COPS7B: variants seen among roughly 807,000 people sequenced by gnomAD.
COPS7B encodes the protein COP9 signalosome complex subunit 7b.
A neutral mutation model predicts 33.4 loss-of-function variants in COPS7B; 9 were observed. The ratio of observed to expected loss-of-function variants is 0.27; its 90% confidence interval spans 0.16 to 0.47. The LOEUF is 0.47. Among genes scored for constraint, COPS7B ranks in the 20% least tolerant of loss-of-function variants. The pLI, the probability that COPS7B is intolerant of heterozygous loss-of-function variation, is 0.99. For missense variants in COPS7B, 242 were observed against 318.2 expected (o/e 0.76, Z 1.82); for synonymous variants, 119 against 126.3 (o/e 0.94, Z 0.39).
intron 3 of COPS7B, among the ~76,000 whole-genome samples, chr2:231,792,866 G>A (rs1253173288): frequency 6.6e-6 from 1 of 151,958 alleles, no homozygotes; most frequent in Admixed American, 6.6e-5. Flanking sequence ...CAGGGCCTTC[G>A]CTGCGATATC....
intron 4 of COPS7B, 131 bp from the exon 5 acceptor site, chr2:231,795,975 A>C (rs570591098): frequency 3.0e-6 from 2 of 673,896 alleles, no homozygotes; most frequent in Non-Finnish European, 5.2e-6. Flanking sequence ...TTGTTGCCCT[A>C]GCTATTAATA....
chr2:231,804,599 C>A (rs530037458), intron 6 of COPS7B, among the ~76,000 whole-genome samples: 5 of 151,994 alleles, frequency 3.3e-5, no homozygotes, highest in Admixed American at 6.6e-5. Context: ...GGAAATAAGG[C>A]TAAATAGTGC....
chr2:231,787,351 C>A (rs2049279633), intron 1 of COPS7B, among the ~76,000 whole-genome samples: 1 of 152,216 alleles, frequency 6.6e-6, no homozygotes, highest in African/African-American at 2.4e-5. Flanking sequence ...AACTATTCTT[C>A]AAATTGTTCT....
At chr2:231,797,689 A>G (rs2049612424) in intron 5 of COPS7B, among the ~76,000 whole-genome samples, 1 of 152,214 alleles carries the variant, frequency 6.6e-6, no homozygotes, top group Admixed American at 6.5e-5. Flanking sequence ...GCTGAGGGCT[A>G]CCACATATAT....
In COPS7B at chr2:231,808,035, A is replaced by C. The variant is rs965614540; in HGVS notation, c.*390A>C. On this transcript the variant is annotated 3_prime_UTR_variant, in exon 7 of 7. Coordinates refer to ENST00000350033, the MANE Select transcript of COPS7B (RefSeq NM_022730.4). ...CAGCCCCCAGGGATGATTGTGAAGG[A>C]GGCCCCTCCCCTTGTGAGGAGGGGG... 5.2e-6 allele frequency: 1 copy of C among 191,136 alleles called. No individual in the cohort carries two copies. Among genetic ancestry groups the C allele is most frequent in the African/African-American group, 2.4e-5 (1 of 41,914 alleles). 11.8% of individuals were successfully genotyped at this position (191,136 alleles called of 1,614,324 possible). A position where few individuals can be genotyped will look rare whatever the true frequency, so the allele number is the denominator to read the frequency against.
intron 6 of COPS7B, among the ~76,000 whole-genome samples, chr2:231,805,836 A>T (rs2049879986): frequency 6.6e-6 from 1 of 150,380 alleles, no homozygotes; most frequent in Non-Finnish European, 1.5e-5. Flanking sequence ...TTTAAGAAAG[A>T]CAGGGTCCCA....
At chr2:231,798,318 G>A (rs1353549816) in intron 5 of COPS7B, among the ~76,000 whole-genome samples, 3 of 140,560 alleles carry the variant, frequency 2.1e-5, no homozygotes, top group South Asian at 2.2e-4. Context: ...GTGCAATTGC[G>A]TGGTCTCAGC....
At chr2:231,800,809 C>G (rs1405594627) in intron 6 of COPS7B, among the ~76,000 whole-genome samples, 2 of 152,190 alleles carry the variant, frequency 1.3e-5, no homozygotes, top group African/African-American at 2.4e-5. Flanking sequence ...TAAAACAGTC[C>G]ATTGACGTAA....
chr2:231,805,367 G>C (rs1248515624), intron 6 of COPS7B, among the ~76,000 whole-genome samples: 2 of 150,430 alleles, frequency 1.3e-5, no homozygotes, highest in Non-Finnish European at 3.0e-5. Flanking sequence ...TTTGTTGTCT[G>C]GCAGGACACT....
chr2:231,788,492 T>C, intron 1 of COPS7B, 63 bp from the exon 2 acceptor site: 3 of 1,492,442 alleles, frequency 2.0e-6, no homozygotes, highest in South Asian at 1.2e-5. Context: ...GATTCAGCAC[T>C]GAATAGGCAC....
rs77417697 is a variant in COPS7B, at chr2:231,803,601, G to A, written c.637-3886G>A. ...AACAGGGGAAAGTGTCCATGCTTCT[G>A]TCTACTTATTTGTTCAAAAGCTTTT... On this transcript the variant is annotated intron_variant, in intron 6 of 6. Transcript: ENST00000350033. Among the ~76,000 whole-genome samples, 906 of 152,266 alleles carry A rather than the reference G, an allele frequency of 6.0e-3. 1 individual carries two copies. The highest frequency in any genetic ancestry group is 9.3e-3 in the Non-Finnish European group (632 of 68,020).
At position 231,794,073 on chromosome 2, in the gene COPS7B, C is replaced by T. The variant is rs553513855; in HGVS notation, c.239-190C>T. 2.5e-5 allele frequency: 13 copies of T among 522,414 alleles called. No individual in the cohort carries two copies. The Middle Eastern group carries it at 1.5e-3, about 60-fold the overall frequency. 32.4% of individuals were successfully genotyped at this position (522,414 alleles called of 1,614,324 possible). The stretch of plus-strand genomic sequence containing the variant: ...AGACTAAACTCTGTGTTTGTAGAAA[C>T]TGAGTCTTTTCTTCTTTGGAAGTAC... On this transcript the variant is annotated intron_variant, in intron 3 of 6. Transcript: ENST00000350033.
intron 4 of COPS7B, 70 bp downstream of exon 4, chr2:231,794,421 G>A (rs899641563): frequency 2.4e-6 from 3 of 1,253,888 alleles, no homozygotes; most frequent in Non-Finnish European, 3.5e-6. Flanking sequence ...ATCAATGAAG[G>A]AAGTCCCAGC....
Position 231,794,228 on chromosome 2 carries a change from G to T in COPS7B, c.239-35G>T, listed in dbSNP as rs778293470. 17 of 1,570,428 alleles carry T rather than the reference G, an allele frequency of 1.1e-5. No individual in the cohort carries two copies. The Admixed American group carries it at 2.9e-4, about 27-fold the overall frequency. ...ATAAAAGAAATCCTAATTTTATTTT[G>T]TGTCTTGATTTTTGTGGTGGGTGGG... On this transcript the variant is annotated intron_variant, in intron 3 of 6. Transcript: ENST00000350033.
At chr2:231,796,717 C>T (rs1378079234) in intron 5 of COPS7B, among the ~76,000 whole-genome samples, 1 of 152,048 alleles carries the variant, frequency 6.6e-6, no homozygotes, top group African/African-American at 2.4e-5. Flanking sequence ...TTTTTCTATC[C>T]CTGTTGAAGT....
intron 6 of COPS7B, among the ~76,000 whole-genome samples, chr2:231,802,131 TA>T (rs2049768589): frequency 3.9e-5 from 6 of 152,196 alleles, no homozygotes; most frequent in Admixed American, 3.9e-4. Flanking sequence ...AATGTTAATT[TA>T]TAACTATTGC....
At chr2:231,801,192 C>A (rs566446390) in intron 6 of COPS7B, 2 of 1,550,528 alleles carry the variant, frequency 1.3e-6, no homozygotes, top group Admixed American at 2.0e-5. Flanking sequence ...AATCTTATAA[C>A]AACAGCTTTC....
chr2:231,794,048 A>T, intron 3 of COPS7B: 1 of 531,404 alleles, frequency 1.9e-6, no homozygotes, highest in Non-Finnish European at 3.4e-6. Flanking sequence ...GCTTTTTAGG[A>T]GACTAAACTC....
chr2:231,781,960 G>A (rs2049141415), upstream of COPS7B: 3 of 1,446,492 alleles, frequency 2.1e-6, no homozygotes, highest in East Asian at 7.4e-5. Context: ...AATCGTGCTT[G>A]TTTGTTGGTC....
Sources: allele counts gnomAD v4.1 joint callset (sites outside exome capture counted in the v4.1 genomes callset), GRCh38; gene constraint gnomAD v4.1.1; transcripts MANE v1.5; gene names NCBI Gene and HGNC (gene_info 2026-07-23, HGNC 2026-07-21).